Variants in DNER observed in about 807,000 individuals in gnomAD.
DNER encodes delta/notch like EGF repeat containing.
DNER carries 33 observed loss-of-function variants against 78.2 expected under a neutral mutation model. The observed-to-expected ratio is 0.42, with a 90% CI of 0.32 to 0.56. DNER has a LOEUF of 0.56. Ranked by LOEUF, DNER falls within the 20% of genes least tolerant of loss-of-function variation. DNER has a pLI of 0.11. For missense variants in DNER, 918 were observed against 975.3 expected, an observed-to-expected ratio of 0.94 and a Z score of 0.78; for synonymous variants, 417 against 384.8, an observed-to-expected ratio of 1.08 and a Z score of -0.98.
At chr2:229,621,159 A>T (rs1363803258) in intron 1 of DNER, among the ~76,000 whole-genome samples, 1 of 90,494 alleles carries the variant, frequency 1.1e-5, no homozygotes, top group Non-Finnish European at 2.4e-5. Flanking sequence ...TGCAGATATT[A>T]AAACAAAACA....
chr2:229,660,241 CA>C (rs2154216540), intron 1 of DNER, among the ~76,000 whole-genome samples: 1 of 152,158 alleles, frequency 6.6e-6, no homozygotes, highest in East Asian at 1.9e-4. Flanking sequence ...GACTAGCACC[CA>C]TTAGTTATTT....
At chr2:229,359,695 T>A (rs1377906557) in intron 12 of DNER, among the ~76,000 whole-genome samples, 7 of 152,204 alleles carry the variant, frequency 4.6e-5, no homozygotes, top group Non-Finnish European at 8.8e-5. Context: ...TCCTATTTTT[T>A]CCTTTGATAT....
intron 9 of DNER, among the ~76,000 whole-genome samples, chr2:229,415,729 T>C (rs1377302130): frequency 6.6e-6 from 1 of 152,224 alleles, no homozygotes; most frequent in Non-Finnish European, 1.5e-5. Flanking sequence ...ATATTTTCTG[T>C]ATCCTTGAAT....
chr2:229,448,091 G>A (rs1474920674), intron 7 of DNER, among the ~76,000 whole-genome samples: 7 of 151,920 alleles, frequency 4.6e-5, no homozygotes, highest in African/African-American at 1.7e-4. Context: ...AGCAGCCACT[G>A]TTAACAGTTT....
intron 9 of DNER, among the ~76,000 whole-genome samples, chr2:229,415,408 C>T (rs1029000004): frequency 1.2e-4 from 19 of 152,328 alleles, no homozygotes; most frequent in South Asian, 1.0e-3. Context: ...GACTAAGCCA[C>T]ACCTGGACCT....
chr2:229,381,616 G>A (rs1390417216), intron 11 of DNER, among the ~76,000 whole-genome samples: 1 of 152,098 alleles, frequency 6.6e-6, no homozygotes, highest in Admixed American at 6.5e-5. Flanking sequence ...CATTACTGAG[G>A]CTTGAGTAGG....
intron 4 of DNER, among the ~76,000 whole-genome samples, chr2:229,561,916 T>C (rs1696966255): frequency 6.7e-6 from 1 of 149,722 alleles, no homozygotes; most frequent in Non-Finnish European, 1.5e-5. Context: ...AAATACCGTA[T>C]TGTACATTTA....
At chr2:229,394,321 A>G (rs1693084558) in intron 10 of DNER, among the ~76,000 whole-genome samples, 1 of 151,760 alleles carries the variant, frequency 6.6e-6, no homozygotes, top group Non-Finnish European at 1.5e-5. Context: ...CCGAAGGGTA[A>G]TGGTGTGGGT....
rs73998263 is a variant in DNER, at chr2:229,524,383, A to G, written c.994-11447T>C. Among the ~76,000 whole-genome samples, 883 of 152,350 alleles carry G rather than the reference A, an allele frequency of 5.8e-3. 11 individuals carry two copies. Among genetic ancestry groups the G allele is most frequent in the African/African-American group, 0.02 (836 of 41,572 alleles). ...ACCCAAAGATGCTATTATTTATGTT[A>G]TGTTTTTAAAATTTAACTGTTGAAA... On this transcript the variant is annotated intron_variant, in intron 5 of 12. Coordinates refer to ENST00000341772, the MANE Select transcript of DNER (RefSeq NM_139072.4).
intron 8 of DNER, among the ~76,000 whole-genome samples, chr2:229,427,252 A>C (rs1302285962): frequency 6.6e-6 from 1 of 152,216 alleles, no homozygotes; most frequent in Non-Finnish European, 1.5e-5. Context: ...CTCACTGTTC[A>C]CACCATGAGT....
intron 6 of DNER, among the ~76,000 whole-genome samples, chr2:229,509,327 G>T (rs1193749860): frequency 6.6e-6 from 1 of 152,192 alleles, no homozygotes; most frequent in Admixed American, 6.5e-5. Context: ...TTCCAAAAGA[G>T]ATATTGCAAC....
At chr2:229,385,557 G>T (rs1277773233) in intron 11 of DNER, among the ~76,000 whole-genome samples, 2 of 152,184 alleles carry the variant, frequency 1.3e-5, no homozygotes, top group Non-Finnish European at 2.9e-5. Context: ...TGACATGATT[G>T]TATATTTAGA....
At chr2:229,714,035 T>C (rs1699952114) in intron 1 of DNER, 113 bp downstream of exon 1, 9 of 1,067,724 alleles carry the variant, frequency 8.4e-6, no homozygotes, top group Non-Finnish European at 9.6e-6. Context: ...CTTCCCAAAG[T>C]GGGAAAGCCT....
At chr2:229,452,785 GC>G (rs1694488963) in intron 7 of DNER, among the ~76,000 whole-genome samples, 1 of 151,610 alleles carries the variant, frequency 6.6e-6, no homozygotes, top group African/African-American at 2.4e-5. Flanking sequence ...TTGCCACCAC[GC>G]CCAGCTAATT....
At chr2:229,710,976 T>TACAC (rs1372271401) in intron 1 of DNER, among the ~76,000 whole-genome samples, 79 of 90,380 alleles carry the variant, frequency 8.7e-4, no homozygotes, top group African/African-American at 4.0e-3. Context: ...ATGGCATGCA[T>TACAC]ACACGCGCAC....
chr2:229,370,472 G>A lies in DNER; in HGVS notation c.1856-3353C>T, dbSNP rs535192691. On this transcript the variant is annotated intron_variant, in intron 11 of 12. Coordinates refer to ENST00000341772, the MANE Select transcript of DNER (RefSeq NM_139072.4). ...CTTCATTTAAGCCAACTCACATACA[G>A]GCAGACTGAGTAACATAAATCACCA... Among the ~76,000 whole-genome samples, 34 of 152,254 alleles carry A rather than the reference G, an allele frequency of 2.2e-4. No individual in the cohort carries two copies. In the South Asian group the frequency reaches 6.8e-3, roughly 31 times the overall value.
At chr2:229,416,958 T>C (rs567193811) in intron 9 of DNER, among the ~76,000 whole-genome samples, 13 of 151,622 alleles carry the variant, frequency 8.6e-5, no homozygotes, top group African/African-American at 1.2e-4. Flanking sequence ...AAGAAGGAGG[T>C]TGAAGATATG....
intron 4 of DNER, among the ~76,000 whole-genome samples, chr2:229,585,135 C>T (rs888808484): frequency 6.6e-6 from 1 of 152,142 alleles, no homozygotes; most frequent in Admixed American, 6.5e-5. Flanking sequence ...TTTGAACGCC[C>T]TAAGTCAGGC....
chr2:229,400,669 A>G (rs1357209285), intron 10 of DNER, among the ~76,000 whole-genome samples: 2 of 152,160 alleles, frequency 1.3e-5, no homozygotes, highest in African/African-American at 4.8e-5. Flanking sequence ...TAAAATAAAT[A>G]TCCATGAACC....
Sources: gnomAD v4.1 joint callset for allele counts (sites outside exome capture counted in the v4.1 genomes callset) on GRCh38, gnomAD v4.1.1 for gene constraint, MANE v1.5 for transcripts, NCBI Gene and HGNC (gene_info 2026-07-23, HGNC 2026-07-21) for gene names.